TEAD1: variants seen among roughly 807,000 people sequenced by gnomAD.
TEAD1 encodes transcriptional enhancer factor TEF-1.
TEAD1 carries 9 observed loss-of-function variants against 54.9 expected under a neutral mutation model. The observed-to-expected ratio is 0.16, with a 90% confidence interval of 0.10 to 0.29. The LOEUF is 0.29. Among genes scored for constraint, TEAD1 ranks in the 10% least tolerant of loss-of-function variants. TEAD1 has a pLI of 1.00. For synonymous variants in TEAD1, 200 were observed against 187.8 expected (o/e 1.07, Z -0.53); for missense variants, 387 against 535.9 (o/e 0.72, Z 2.74).
At chr11:12,745,036 T>C (rs975501354) in intron 2 of TEAD1, among the ~76,000 whole-genome samples, 4 of 152,158 alleles carry the variant, frequency 2.6e-5, no homozygotes, top group African/African-American at 9.6e-5. Flanking sequence ...ATTTTAAACC[T>C]GGTCAGGGAG....
chr11:12,887,954 GT>G (rs1948124093), intron 9 of TEAD1, among the ~76,000 whole-genome samples: 1 of 152,174 alleles, frequency 6.6e-6, no homozygotes, highest in African/African-American at 2.4e-5. Flanking sequence ...CTACTTCTTT[GT>G]AACGGCTTAG....
intron 3 of TEAD1, among the ~76,000 whole-genome samples, chr11:12,847,388 G>A (rs1359311660): frequency 6.6e-6 from 1 of 151,874 alleles, no homozygotes; most frequent in Non-Finnish European, 1.5e-5. Flanking sequence ...AGTATGGTGA[G>A]CAGGAGGGGC....
chr11:12,851,390 A>G (rs2134051215), intron 3 of TEAD1, among the ~76,000 whole-genome samples: 1 of 152,374 alleles, frequency 6.6e-6, no homozygotes, highest in East Asian at 1.9e-4. Context: ...ACAAAAAATT[A>G]CTATGCGATG....
intron 3 of TEAD1, among the ~76,000 whole-genome samples, chr11:12,855,889 A>G (rs1947365789): frequency 6.6e-6 from 1 of 151,418 alleles, no homozygotes; most frequent in Non-Finnish European, 1.5e-5. Context: ...TCAAGGCTAC[A>G]GTGAGCCATG....
intron 2 of TEAD1, among the ~76,000 whole-genome samples, chr11:12,717,135 G>GTTA (rs753269313): frequency 6.6e-6 from 1 of 152,242 alleles, no homozygotes; most frequent in Non-Finnish European, 1.5e-5. Flanking sequence ...AATGAATGTA[G>GTTA]TTATACTGAT....
At chr11:12,762,291 T>G (rs1945117966) in intron 2 of TEAD1, among the ~76,000 whole-genome samples, 1 of 152,202 alleles carries the variant, frequency 6.6e-6, no homozygotes, top group Non-Finnish European at 1.5e-5. Flanking sequence ...GAATTCATTC[T>G]TATTCTCATA....
intron 10 of TEAD1, among the ~76,000 whole-genome samples, chr11:12,910,304 T>A (rs1002972259): frequency 1.3e-5 from 2 of 152,218 alleles, no homozygotes; most frequent in Non-Finnish European, 2.9e-5. Context: ...AGACATGCAA[T>A]TGAGACTAAT....
At chr11:12,885,464 C>G (rs944514211) in intron 9 of TEAD1, among the ~76,000 whole-genome samples, 1 of 152,028 alleles carries the variant, frequency 6.6e-6, no homozygotes, top group African/African-American at 2.4e-5. Context: ...GTCTCGATCT[C>G]CTGACCTTGT....
chr11:12,737,045 C>T (rs1944548308), intron 2 of TEAD1, among the ~76,000 whole-genome samples: 1 of 152,072 alleles, frequency 6.6e-6, no homozygotes, highest in Admixed American at 6.5e-5. Context: ...CAGGAGTCTA[C>T]TTGTTCTGTT....
chr11:12,742,606 A>G (rs1278242249), intron 2 of TEAD1, among the ~76,000 whole-genome samples: 1 of 152,234 alleles, frequency 6.6e-6, no homozygotes, highest in Non-Finnish European at 1.5e-5. Context: ...AATGATACCT[A>G]TTGAAGGTGA....
At position 12,940,657 on chromosome 11, in the gene TEAD1, A is replaced by C. The variant is rs554540205; in HGVS notation, c.*3435A>C. 4.6e-5 allele frequency: 7 copies of C among 151,888 alleles called. No individual in the cohort carries two copies. Among genetic ancestry groups the C allele is most frequent in the African/African-American group, 7.2e-5 (3 of 41,400 alleles). 9.4% of individuals were successfully genotyped at this position (151,888 alleles called of 1,614,324 possible). Reference sequence around the variant, plus strand: ...CTGGTCACCATCATCCCTTTAATCAACTCACACCTGTTTAAAGAGTGTTTC... The same window carrying C: ...CTGGTCACCATCATCCCTTTAATCACCTCACACCTGTTTAAAGAGTGTTTC... On this transcript the variant is annotated 3_prime_UTR_variant, in exon 13 of 13. Transcript: ENST00000527636.
At chr11:12,684,120 G>A (rs1011886756) in intron 2 of TEAD1, among the ~76,000 whole-genome samples, 5 of 152,142 alleles carry the variant, frequency 3.3e-5, no homozygotes, top group African/African-American at 4.8e-5. Context: ...AATCTGAGCC[G>A]GATTCCTGGT....
At chr11:12,810,068 C>T (rs984217537) in intron 3 of TEAD1, among the ~76,000 whole-genome samples, 1 of 148,576 alleles carries the variant, frequency 6.7e-6, no homozygotes, top group African/African-American at 2.5e-5. Flanking sequence ...GCAAGCTCCA[C>T]CTCCTGGGTT....
At chr11:12,876,782 A>G (rs911975058) in intron 5 of TEAD1, among the ~76,000 whole-genome samples, 3 of 152,180 alleles carry the variant, frequency 2.0e-5, no homozygotes, top group Non-Finnish European at 4.4e-5. Flanking sequence ...TGACTGGTCT[A>G]AGAGAAACCA....
At position 12,788,139 on chromosome 11, in the gene TEAD1, CT is replaced by C. The variant is rs541990107; in HGVS notation, c.202+23721del. Among the ~76,000 whole-genome samples the C allele has an allele frequency of 3.0e-3, 390 of 129,194 alleles. 2 individuals carry two copies. Among genetic ancestry groups the C allele is most frequent in the Admixed American group, 3.0e-3 (38 of 12,826 alleles). 84.8% of individuals were successfully genotyped at this position (129,194 alleles called of 152,430 possible). ...CGCCACCATGCCCAGCTAATTTTGT[CT>C]TTTTTTTTTTTTTTTGGACGGAGTC... On this transcript the variant is annotated intron_variant, in intron 3 of 12. Transcript: ENST00000527636.
intron 3 of TEAD1, among the ~76,000 whole-genome samples, chr11:12,818,261 C>T (rs1190199622): frequency 6.6e-6 from 1 of 152,148 alleles, no homozygotes; most frequent in African/African-American, 2.4e-5. Flanking sequence ...AATGTGTCTC[C>T]CAAAATCCCT....
chr11:12,776,775 ATTATTAT>A (rs1945429003), intron 3 of TEAD1, among the ~76,000 whole-genome samples: 1 of 125,464 alleles, frequency 8.0e-6, no homozygotes, highest in Non-Finnish European at 1.5e-5. Context: ...TATTATTATT[ATTATTAT>A]TATTATTATT....
chr11:12,803,560 AGCTGTGTGGCCCTCTGTGCCT>A (rs1221931960), intron 3 of TEAD1, among the ~76,000 whole-genome samples: 2 of 152,184 alleles, frequency 1.3e-5, no homozygotes, highest in East Asian at 1.9e-4. Context: ...CCTCCATGCC[AGCTGTGTGGCCCTCTGTGCCT>A]GCTGTGTGGC....
intron 2 of TEAD1, among the ~76,000 whole-genome samples, chr11:12,732,890 T>C (rs1944451385): frequency 6.6e-6 from 1 of 152,224 alleles, no homozygotes; most frequent in South Asian, 2.1e-4. Flanking sequence ...CCCTCTCTTT[T>C]TCTTTTTACA....
Sources: allele counts gnomAD v4.1 joint callset (sites outside exome capture counted in the v4.1 genomes callset), GRCh38; gene constraint gnomAD v4.1.1; transcripts MANE v1.5; gene names NCBI Gene and HGNC (gene_info 2026-07-23, HGNC 2026-07-21).